The following WHRN variants were observed in gnomAD, a reference collection of about 807,000 sequenced individuals.
WHRN encodes the protein CASK-interacting protein CIP98.
WHRN carries 41 observed loss-of-function variants against 68.3 expected under a neutral mutation model. The observed-to-expected ratio is 0.60, with a 90% CI of 0.47 to 0.78. The LOEUF is 0.78. WHRN is among the 30% of genes least tolerant of loss of function. The pLI is 0.00. For synonymous variants in WHRN, 560 were observed against 561.3 expected (o/e 1.00, Z 0.03); for missense variants, 1,243 against 1,244.7 (o/e 1.00, Z 0.02).
In WHRN at chr9:114,402,953, C is replaced by G; in HGVS notation, c.2542-17G>C. ...GCCGCCTCTCTGCAGGGAGGAGACA[C>G]AGGGCATGGGGTGCCCAAGGGTTAG... On this transcript the variant is annotated splice_polypyrimidine_tract_variant and intron_variant, in intron 11 of 11. Transcript: ENST00000362057. 6.2e-7 allele frequency: 1 copy of G among 1,602,968 alleles called. No individual in the cohort carries two copies. The highest frequency in any genetic ancestry group is 8.5e-7 in the Non-Finnish European group (1 of 1,175,118).
At chr9:114,481,308 G>A (rs1490337355) in intron 1 of WHRN, among the ~76,000 whole-genome samples, 5 of 152,258 alleles carry the variant, frequency 3.3e-5, no homozygotes, top group East Asian at 1.9e-4. Flanking sequence ...GAGGGATAAC[G>A]AGGATGGCGT....
chr9:114,480,264 G>T (rs1054354777), intron 1 of WHRN, among the ~76,000 whole-genome samples: 17 of 152,106 alleles, frequency 1.1e-4, no homozygotes, highest in African/African-American at 3.9e-4. Context: ...TTGCAGCTGA[G>T]ATGAAGACAT....
chr9:114,504,900 G>C lies in WHRN; in HGVS notation c.-99C>G, dbSNP rs1564250167. 1.5e-6 allele frequency: 2 copies of C among 1,321,804 alleles called. No homozygotes were observed. Among genetic ancestry groups the C allele is most frequent in the Non-Finnish European group, 1.9e-6 (2 of 1,042,986 alleles). The allele number at this position is 1,321,804 out of a possible 1,614,324, so 81.9% of individuals were successfully genotyped here. A position where few individuals can be genotyped will look rare whatever the true frequency, so the allele number is the denominator to read the frequency against. ...GCGACAGCTGGATCCCCGGGAGCGC[G>C]GAGACGACGGCTGGAGCCTGGGTTT... On this transcript the variant is annotated 5_prime_UTR_variant, in exon 1 of 12. Transcript: ENST00000362057.
intron 3 of WHRN, among the ~76,000 whole-genome samples, chr9:114,462,287 A>G (rs1009730216): frequency 1.3e-5 from 2 of 151,856 alleles, no homozygotes; most frequent in African/African-American, 2.4e-5. Context: ...CCTGTCCCCC[A>G]TTTTCCTTCG....
chr9:114,478,443 C>G lies in WHRN; in HGVS notation c.837+110G>C, dbSNP rs767455466. 4 of 1,201,988 alleles carry G rather than the reference C, an allele frequency of 3.3e-6. No homozygotes were observed. The South Asian group carries it at 4.9e-5, about 15-fold the overall frequency. 74.5% of individuals were successfully genotyped at this position (1,201,988 alleles called of 1,614,324 possible). On this transcript the variant is annotated intron_variant, in intron 2 of 11. Coordinates refer to ENST00000362057, the MANE Select transcript of WHRN (RefSeq NM_015404.4). ...AGTACAGACTTGAGGGAAGACAGAG[C>G]CTGGACAGAACCAGCCTCTTCTTGC...
At chr9:114,479,538 A>G (rs1841936200) in intron 1 of WHRN, among the ~76,000 whole-genome samples, 1 of 152,166 alleles carries the variant, frequency 6.6e-6, no homozygotes, top group Non-Finnish European at 1.5e-5. Flanking sequence ...CATCTTGGGG[A>G]CTCTGATAAA....
chr9:114,419,099 G>A (rs2132308420), intron 7 of WHRN, among the ~76,000 whole-genome samples: 1 of 152,166 alleles, frequency 6.6e-6, no homozygotes, highest in East Asian at 1.9e-4. Context: ...ATCCTTCAGG[G>A]AAGAATCACA....
intron 1 of WHRN, among the ~76,000 whole-genome samples, chr9:114,493,481 G>A (rs1483139223): frequency 3.3e-5 from 5 of 151,892 alleles, no homozygotes; most frequent in African/African-American, 1.2e-4. Context: ...AACTTGTCCA[G>A]TCTGTGACAG....
intron 1 of WHRN, among the ~76,000 whole-genome samples, chr9:114,501,118 T>C (rs1564242203): frequency 6.6e-6 from 1 of 152,182 alleles, no homozygotes; most frequent in Non-Finnish European, 1.5e-5. Context: ...TTGCCCAAGG[T>C]CACACAGGAA....
At chr9:114,411,295 C>T (rs752031179) in intron 7 of WHRN, among the ~76,000 whole-genome samples, 1 of 152,194 alleles carries the variant, frequency 6.6e-6, no homozygotes, top group Non-Finnish European at 1.5e-5. Flanking sequence ...CAGTGATTGA[C>T]ATGCATTCAC....
At chr9:114,479,162 A>G (rs906278783) in intron 1 of WHRN, among the ~76,000 whole-genome samples, 1 of 152,122 alleles carries the variant, frequency 6.6e-6, no homozygotes, top group African/African-American at 2.4e-5. Flanking sequence ...GACTGTCTGT[A>G]AACAGTAATG....
chr9:114,416,642 G>A (rs1458478065), intron 7 of WHRN, among the ~76,000 whole-genome samples: 1 of 152,088 alleles, frequency 6.6e-6, no homozygotes, highest in Admixed American at 6.5e-5. Flanking sequence ...TTCCTGTACG[G>A]CCTACAGAAC....
Position 114,415,411 on chromosome 9 carries a change from A to T in WHRN, c.1627-7393T>A, listed in dbSNP as rs140153435. Among the ~76,000 whole-genome samples the T allele has an allele frequency of 1.5e-4, 23 of 152,150 alleles. 2 individuals are homozygous for T. Among genetic ancestry groups the T allele is most frequent in the African/African-American group, 4.6e-4 (19 of 41,506 alleles). On this transcript the variant is annotated intron_variant, in intron 7 of 11. Coordinates refer to ENST00000362057, the MANE Select transcript of WHRN (RefSeq NM_015404.4). ...CTCTACCCCTCACTCCTGACACTCC[A>T]GCCCTACTGGTCTCCTTCCATTCTT...
chr9:114,455,355 T>C lies in WHRN; in HGVS notation c.963+10912A>G, dbSNP rs191632828. 3.3e-3 allele frequency among the ~76,000 whole-genome samples: 503 copies of C among 152,120 alleles called. 1 individual carries two copies. The highest frequency in any genetic ancestry group is 0.011 in the African/African-American group (464 of 41,502). ...TCAGCCTCCCAAGTAGCCGGGACTA[T>C]AGGCATGCACCACCATGCCTGAAAA... On this transcript the variant is annotated intron_variant, in intron 3 of 11. Transcript: ENST00000362057.
chr9:114,472,194 T>G (rs1370989215), intron 2 of WHRN, among the ~76,000 whole-genome samples: 1 of 152,186 alleles, frequency 6.6e-6, no homozygotes, highest in Non-Finnish European at 1.5e-5. Context: ...CTACCCTCCA[T>G]CCAGTAGCCT....
At chr9:114,466,512 C>A (rs1840709564) in intron 2 of WHRN, 120 bp from the exon 3 acceptor site, 2 of 1,449,932 alleles carry the variant, frequency 1.4e-6, no homozygotes, top group East Asian at 4.6e-5. Flanking sequence ...GGCAAGGAGG[C>A]CCAGGCCAAG....
At chr9:114,498,066 A>T (rs1843614430) in intron 1 of WHRN, among the ~76,000 whole-genome samples, 1 of 152,006 alleles carries the variant, frequency 6.6e-6, no homozygotes, top group Admixed American at 6.6e-5. Flanking sequence ...ATCAGATCTC[A>T]CTCTCAGGAG....
chr9:114,494,347 C>CATTGTCTTTAAAG (rs1843267818), intron 1 of WHRN, among the ~76,000 whole-genome samples: 1 of 152,222 alleles, frequency 6.6e-6, no homozygotes, highest in Non-Finnish European at 1.5e-5. Flanking sequence ...AATAGATGCA[C>CATTGTCTTTAAAG]CCAGTGCTTT....
intron 2 of WHRN, among the ~76,000 whole-genome samples, chr9:114,467,934 G>A (rs1232792680): frequency 6.6e-6 from 1 of 152,194 alleles, no homozygotes; most frequent in Non-Finnish European, 1.5e-5. Context: ...TTTCATTAGG[G>A]AAAGCCATCC....
Sources: gnomAD v4.1 joint callset for allele counts (sites outside exome capture counted in the v4.1 genomes callset) on GRCh38, gnomAD v4.1.1 for gene constraint, MANE v1.5 for transcripts, NCBI Gene and HGNC (gene_info 2026-07-23, HGNC 2026-07-21) for gene names.